Variants in TNIP2 observed in about 807,000 individuals in gnomAD.
The protein encoded by TNIP2 is TNFAIP3-interacting protein 2.
In TNIP2, 30 loss-of-function variants were observed where a neutral mutation model predicts 43.7. The observed-to-expected ratio is 0.69, with a 90% CI of 0.51 to 0.93. The LOEUF (loss-of-function observed/expected upper bound fraction) is 0.93, where lower values mean the gene tolerates loss of function less well. Among genes scored for constraint, TNIP2 ranks in the 40% least tolerant of loss-of-function variants. The probability of loss-of-function intolerance (pLI) is 0.00; values close to 1 mark genes in which losing one functional copy is unlikely to be tolerated. For synonymous variants in TNIP2, 260 were observed against 254.6 expected (o/e 1.02, Z -0.20); for missense variants, 599 against 591.0 (o/e 1.01, Z -0.14).
rs141750537 is a variant in TNIP2 at position 2,745,026 on chromosome 4, T to A, written c.658-81A>T. 1,902 of 1,505,568 alleles carry A rather than the reference T, an allele frequency of 1.3e-3. 18 individuals are homozygous for A. The African/African-American group carries it at 0.022, about 18-fold the overall frequency. The allele number at this position is 1,505,568 out of a possible 1,614,324, so 93.3% of individuals were successfully genotyped here. On this transcript the variant is annotated intron_variant, in intron 3 of 5. Transcript: ENST00000315423. ...GCCAGCACCCAGTGTGAATTATGTATTAGCAGTGATTCGCTGAGTGAGAGT... is the reference window on the plus strand; with the variant it reads ...GCCAGCACCCAGTGTGAATTATGTAATAGCAGTGATTCGCTGAGTGAGAGT...
chr4:2,745,588 G>A lies in TNIP2; in HGVS notation c.568-53C>T, dbSNP rs1577307662. The A allele has an allele frequency of 2.3e-6, 3 of 1,300,228 alleles. No homozygotes were observed. In the East Asian group the frequency reaches 6.9e-5, roughly 30 times the overall value. 80.5% of individuals were successfully genotyped at this position (1,300,228 alleles called of 1,614,324 possible). A position where few individuals can be genotyped will look rare whatever the true frequency, so the allele number is the denominator to read the frequency against. On this transcript the variant is annotated intron_variant, in intron 2 of 5. Coordinates refer to ENST00000315423, the MANE Select transcript of TNIP2 (RefSeq NM_024309.4). ...CACTCTGTCACATACAGCAAGAGGG[G>A]AGAAAGCTAGACCCAGAGGCTGAGG...
At chr4:2,747,489 T>A (rs1368987002) in intron 2 of TNIP2, 166 bp downstream of exon 2, 1 of 733,188 alleles carries the variant, frequency 1.4e-6, no homozygotes, top group African/African-American at 1.8e-5. Flanking sequence ...TCCATCATTT[T>A]AAAAGAAACC....
intron 1 of TNIP2, among the ~76,000 whole-genome samples, chr4:2,751,628 C>T (rs1056866187): frequency 1.3e-5 from 2 of 151,860 alleles, no homozygotes; most frequent in Non-Finnish European, 2.9e-5. Flanking sequence ...AAAACATTAG[C>T]CAGGCATGGT....
intron 1 of TNIP2, 72 bp from the exon 2 acceptor site, chr4:2,748,017 CA>C: frequency 6.6e-7 from 1 of 1,524,270 alleles, no homozygotes; most frequent in East Asian, 2.3e-5. Context: ...GTTCAGAAAG[CA>C]AAAGAAGACC....
chr4:2,747,965 GCA>G lies in TNIP2; in HGVS notation c.277-22_277-21del, dbSNP rs1721998429. 6.2e-7 allele frequency: 1 copy of G among 1,605,282 alleles called. No individual in the cohort carries two copies. The highest frequency in any genetic ancestry group is 1.7e-5 in the Admixed American group (1 of 59,850). On this transcript the variant is annotated intron_variant, in intron 1 of 5. Transcript: ENST00000315423. ...AATTTCCTAAGTGGAAGATTTAAAA[GCA>G]CAGTTTACTGAATTAAAAGAAGCAG...
chr4:2,752,859 C>T (rs1296902608), intron 1 of TNIP2, among the ~76,000 whole-genome samples: 1 of 152,098 alleles, frequency 6.6e-6, no homozygotes, highest in Non-Finnish European at 1.5e-5. Context: ...GCTTGGGCAA[C>T]ATCATGCGAC....
At chr4:2,748,232 A>G (rs1332124592) in intron 1 of TNIP2, among the ~76,000 whole-genome samples, 1 of 151,858 alleles carries the variant, frequency 6.6e-6, no homozygotes, top group Non-Finnish European at 1.5e-5. Flanking sequence ...CTGGAGTGCA[A>G]TGGCACAATC....
chr4:2,749,597 C>A (rs1722051255), intron 1 of TNIP2, among the ~76,000 whole-genome samples: 1 of 152,098 alleles, frequency 6.6e-6, no homozygotes, highest in Non-Finnish European at 1.5e-5. Flanking sequence ...GGATTGGTGG[C>A]CCCCACAGGA....
chr4:2,745,010 C>T, intron 3 of TNIP2, 65 bp from the exon 4 acceptor site: 5 of 1,540,488 alleles, frequency 3.2e-6, no homozygotes, highest in Non-Finnish European at 4.4e-6. Flanking sequence ...AGCCAGCACC[C>T]AGTGTGAATT....
rs1721922214 is a variant in TNIP2, at chr4:2,745,477, T to C, written c.626A>G (p.Glu209Gly). 1 of 1,613,942 alleles carries C rather than the reference T, an allele frequency of 6.2e-7. No individual in the cohort carries two copies. Among genetic ancestry groups the C allele is most frequent in the African/African-American group, 1.3e-5 (1 of 74,922 alleles). Residue 209 changes from glutamate (E) to glycine (G), a missense_variant, in exon 3 of 6, where the codon GAA becomes GGA. Transcript: ENST00000315423. ...CACCTTCTGTTTTAACAGTCGATTT[T>C]CTTCCTGCAACTTCTCAATAACACT... ...VQSVIEKLQE[E>G]NRLLKQKVTH...
In TNIP2 at chr4:2,747,678, C is replaced by T. The variant is rs757218029; in HGVS notation, c.544G>A (p.Val182Met). Residue 182 changes from valine (V) to methionine (M), a missense_variant, in exon 2 of 6, where the codon GTG becomes ATG. By Grantham distance (21) the Val-to-Met change is conservative. Transcript: ENST00000315423. ...ACCTGGTCAGGACTTCTCTCCCCCA[C>T]ATTCCTTTGTGCATGCTGTCGTTCA... ...LDERQHAQRN[V>M]GERSPDQSEH... 6.3e-7 allele frequency: 1 copy of T among 1,599,098 alleles called. No homozygotes were observed. The highest frequency in any genetic ancestry group is 1.1e-5 in the South Asian group (1 of 91,028).
Position 2,745,455 on chromosome 4 carries a change from C to T in TNIP2, c.648G>A (p.Lys216=). The T allele has an allele frequency of 6.2e-7, 1 of 1,612,156 alleles. No homozygotes were observed. The highest frequency in any genetic ancestry group is 8.5e-7 in the Non-Finnish European group (1 of 1,178,466). ...TGTGAAAGACACTCACGTGAGTCACCTTCTGTTTTAACAGTCGATTTTCTT... is the reference window on the plus strand; with the variant it reads ...TGTGAAAGACACTCACGTGAGTCACTTTCTGTTTTAACAGTCGATTTTCTT... The part of the protein sequence containing the change: ...LQEENRLLKQ[K]VTHVEDLNAK... Residue 216 remains lysine, a synonymous_variant, in exon 3 of 6, where the codon AAG becomes AAA. Coordinates refer to ENST00000315423, the MANE Select transcript of TNIP2 (RefSeq NM_024309.4).
rs80132469 is a variant in TNIP2 at position 2,753,620 on chromosome 4, G to A, written c.276+2394C>T. 5.3e-3 allele frequency among the ~76,000 whole-genome samples: 812 copies of A among 152,218 alleles called. 6 individuals are homozygous for A. The highest frequency in any genetic ancestry group is 0.018 in the African/African-American group (763 of 41,522). On this transcript the variant is annotated intron_variant, in intron 1 of 5. Transcript: ENST00000315423. ...AGGACACCAGGGAACACATGTGAGC[G>A]GAACACCAATGGCCACCGACTGCAA...
chr4:2,754,870 C>G (rs1479992175), intron 1 of TNIP2, among the ~76,000 whole-genome samples: 1 of 152,224 alleles, frequency 6.6e-6, no homozygotes, highest in Non-Finnish European at 1.5e-5. Flanking sequence ...GGAGCACGGG[C>G]ACGTGCCACC....
intron 1 of TNIP2, among the ~76,000 whole-genome samples, chr4:2,750,416 ATTAT>A (rs1722070861): frequency 6.7e-6 from 1 of 149,134 alleles, no homozygotes; most frequent in Admixed American, 6.7e-5. Context: ...TATTATTATT[ATTAT>A]TATTATTATT....
At chr4:2,755,253 G>A (rs1722199986) in intron 1 of TNIP2, among the ~76,000 whole-genome samples, 1 of 151,576 alleles carries the variant, frequency 6.6e-6, no homozygotes, top group Middle Eastern at 3.2e-3. Flanking sequence ...ACACCCCTAA[G>A]AACCAACCGG....
chr4:2,752,769 C>T (rs932207746), intron 1 of TNIP2, among the ~76,000 whole-genome samples: 4 of 152,202 alleles, frequency 2.6e-5, no homozygotes, highest in Non-Finnish European at 5.9e-5. Context: ...ATAAGGCCAG[C>T]ACAGTGGCTC....
rs939528594 is a variant in TNIP2, at chr4:2,744,878, T to C, written c.725A>G (p.His242Arg). 1 of 1,613,874 alleles carries C rather than the reference T, an allele frequency of 6.2e-7. No individual in the cohort carries two copies. The highest frequency in any genetic ancestry group is 1.7e-5 in the Admixed American group (1 of 60,014). Residue 242 changes from histidine to arginine, a missense_variant, in exon 4 of 6, where the codon CAT becomes CGT. Physicochemically the swap from His to Arg is conservative, Grantham distance 29. Transcript: ENST00000315423. This position sits in a 1 kb window ranked among gnomAD's most constrained non-coding sequence, Gnocchi z 5.1. ...ASRDEYVRGL[H>R]AQLRGLQIPH... is the part of the protein sequence containing the mutation. ...GATCTGCAGCCCCCTGAGCTGCGCA[T>C]GGAGCCCCCTCACGTATTCGTCCCT...
intron 1 of TNIP2, among the ~76,000 whole-genome samples, chr4:2,752,165 AAG>A (rs1202425588): frequency 1.3e-5 from 2 of 151,988 alleles, no homozygotes; most frequent in African/African-American, 4.8e-5. Context: ...AAAGAAAAGA[AAG>A]AGCCAAGAAA....
Sources: gnomAD v4.1 joint callset for allele counts (sites outside exome capture counted in the v4.1 genomes callset) on GRCh38, gnomAD v4.1.1 for gene constraint, Gnocchi (gnomAD v3.1) non-coding constraint, MANE v1.5 for transcripts, NCBI Gene and HGNC (gene_info 2026-07-23, HGNC 2026-07-21) for gene names.